The following PAQR8 variants were observed in gnomAD, a reference collection of about 807,000 sequenced individuals.
PAQR8 encodes membrane progestin receptor beta.
In PAQR8, 17 loss-of-function variants were observed where a neutral mutation model predicts 25.2. That is an observed-to-expected ratio of 0.67 (90% CI 0.46 to 1.01). PAQR8 has a LOEUF of 1.01. Among genes scored for constraint, PAQR8 ranks in the 50% least tolerant of loss-of-function variants. The pLI, the probability that PAQR8 is intolerant of heterozygous loss-of-function variation, is 0.00. For missense variants in PAQR8, 392 were observed against 448.4 expected (o/e 0.87, Z 1.14); for synonymous variants, 204 against 190.6 (o/e 1.07, Z -0.58).
chr6:52,395,694 T>G (rs754692250), intron 1 of PAQR8, among the ~76,000 whole-genome samples: 1 of 152,160 alleles, frequency 6.6e-6, no homozygotes, highest in Non-Finnish European at 1.5e-5. Context: ...AGTTATATCC[T>G]TCAGTGGGCT....
chr6:52,379,898 A>G (rs573186498), intron 1 of PAQR8, among the ~76,000 whole-genome samples: 4 of 152,172 alleles, frequency 2.6e-5, no homozygotes, highest in African/African-American at 9.6e-5. Context: ...AAGTGCTGGG[A>G]TTACAGGCGT....
At position 52,403,273 on chromosome 6, in the gene PAQR8, CCGCCTGCCCAAGA is replaced by C; in HGVS notation, c.61_73del (p.Arg21SerfsTer127). On this transcript the variant is annotated frameshift_variant, in exon 2 of 2. Coordinates refer to ENST00000442253, the MANE Select transcript of PAQR8 (RefSeq NM_133367.5). LOFTEE classifies it high-confidence loss of function. ...TGTCGGTCAGCGGGCAGCAGCTGCGCCGCCTGCCCAAGATCCTGGAGGATGGGCTTCCCAAGAT... is the reference window on the plus strand; with the variant it reads ...TGTCGGTCAGCGGGCAGCAGCTGCGCTCCTGGAGGATGGGCTTCCCAAGAT... 1 of 1,612,436 alleles carries C rather than the reference CCGCCTGCCCAAGA, an allele frequency of 6.2e-7. No homozygotes were observed. The highest frequency in any genetic ancestry group is 8.5e-7 in the Non-Finnish European group (1 of 1,178,790).
At chr6:52,382,600 A>G (rs1763573983) in intron 1 of PAQR8, among the ~76,000 whole-genome samples, 1 of 146,144 alleles carries the variant, frequency 6.8e-6, no homozygotes, top group South Asian at 2.2e-4. Context: ...AATTTGTATC[A>G]AGGTTAAAAA....
intron 1 of PAQR8, among the ~76,000 whole-genome samples, chr6:52,377,117 T>G (rs1206463489): frequency 6.6e-6 from 1 of 152,214 alleles, no homozygotes; most frequent in Admixed American, 6.5e-5. Flanking sequence ...TGCATCGTAT[T>G]TTAATGTTAA....
rs189953789 is a variant in PAQR8 at position 52,406,514 on chromosome 6, C to A, written c.*2236C>A. On this transcript the variant is annotated 3_prime_UTR_variant, in exon 2 of 2. Coordinates refer to ENST00000442253, the MANE Select transcript of PAQR8 (RefSeq NM_133367.5). Reference sequence around the variant, plus strand: ...GAACAGGCATGAAGATATTGCCATACAATTTTAATTTATACAAGTATTGGC... The same window carrying A: ...GAACAGGCATGAAGATATTGCCATAAAATTTTAATTTATACAAGTATTGGC... 2.7e-5 allele frequency: 11 copies of A among 413,326 alleles called. No individual in the cohort carries two copies. The Admixed American group carries it at 3.1e-4, about 12-fold the overall frequency. 25.6% of individuals were successfully genotyped at this position (413,326 alleles called of 1,614,324 possible).
At chr6:52,363,364 C>T (rs1763313280) in intron 1 of PAQR8, among the ~76,000 whole-genome samples, 1 of 152,124 alleles carries the variant, frequency 6.6e-6, no homozygotes, top group Non-Finnish European at 1.5e-5. Context: ...ATGATTTTGT[C>T]CAGGAACCCA....
At chr6:52,379,096 CAA>C (rs70977347) in intron 1 of PAQR8, among the ~76,000 whole-genome samples, 6,439 of 92,980 alleles carry the variant, frequency 0.069, 313 homozygotes, top group African/African-American at 0.2. Flanking sequence ...TACTCTTTAT[CAA>C]AAAAAAAAAA....
rs375737727 is a variant in PAQR8, at chr6:52,372,589, G to A, written c.-53+10340G>A. 2.6e-4 allele frequency among the ~76,000 whole-genome samples: 40 copies of A among 152,114 alleles called. No homozygotes were observed. The South Asian group carries it at 7.9e-3, about 30-fold the overall frequency. ...CACATGTGTGCTAAGAGTTTTACAT[G>A]TATTTCTCTCTCTCTTTCTTTCTCT... On this transcript the variant is annotated intron_variant, in intron 1 of 1. Coordinates refer to ENST00000442253, the MANE Select transcript of PAQR8 (RefSeq NM_133367.5).
chr6:52,400,077 CTCTT>C (rs1763812749), intron 1 of PAQR8, among the ~76,000 whole-genome samples: 1 of 152,224 alleles, frequency 6.6e-6, no homozygotes, highest in Non-Finnish European at 1.5e-5. Flanking sequence ...CCCACACTCC[CTCTT>C]TCTGTGTTTC....
intron 1 of PAQR8, among the ~76,000 whole-genome samples, chr6:52,393,839 A>G (rs1279746263): frequency 6.6e-6 from 1 of 152,220 alleles, no homozygotes; most frequent in African/African-American, 2.4e-5. Context: ...AGTGGCAGTT[A>G]GGTGAAGGAG....
intron 1 of PAQR8, among the ~76,000 whole-genome samples, chr6:52,388,285 A>G (rs1025790988): frequency 6.6e-6 from 1 of 152,106 alleles, no homozygotes; most frequent in Non-Finnish European, 1.5e-5. Flanking sequence ...CTGAGGCACA[A>G]GAATGGCTTG....
intron 1 of PAQR8, among the ~76,000 whole-genome samples, chr6:52,384,872 C>T (rs1372974548): frequency 6.6e-6 from 1 of 152,162 alleles, no homozygotes; most frequent in Admixed American, 6.5e-5. Context: ...CGCCTACAAT[C>T]AACTGATCTT....
chr6:52,385,385 G>A (rs1581793240), intron 1 of PAQR8, among the ~76,000 whole-genome samples: 1 of 152,124 alleles, frequency 6.6e-6, no homozygotes, highest in African/African-American at 2.4e-5. Context: ...CCTAGTCTCA[G>A]GTATGTCTTT....
chr6:52,375,058 G>A (rs1270534412), intron 1 of PAQR8, among the ~76,000 whole-genome samples: 1 of 151,874 alleles, frequency 6.6e-6, no homozygotes, highest in East Asian at 1.9e-4. Flanking sequence ...TTATTGATAT[G>A]ATCACTACTT....
At chr6:52,368,934 C>T (rs755658738) in intron 1 of PAQR8, among the ~76,000 whole-genome samples, 1 of 152,018 alleles carries the variant, frequency 6.6e-6, no homozygotes, top group Non-Finnish European at 1.5e-5. Flanking sequence ...TGAGTTCTCT[C>T]GAGATCTGAT....
chr6:52,403,228 C>G lies in PAQR8; in HGVS notation c.15C>G (p.Ile5Met), dbSNP rs1234289383. 6.3e-7 allele frequency: 1 copy of G among 1,596,150 alleles called. No homozygotes were observed. Among genetic ancestry groups the G allele is most frequent in the Non-Finnish European group, 8.6e-7 (1 of 1,166,296 alleles). The part of the protein sequence containing the change: MTTA[I>M]LERLSTLSVS... ...GGGCCGCTGCCATGACGACCGCCATCTTGGAGCGCCTGAGCACCCTGTCGG... is the reference window on the plus strand; with the variant it reads ...GGGCCGCTGCCATGACGACCGCCATGTTGGAGCGCCTGAGCACCCTGTCGG... Residue 5 changes from isoleucine (I) to methionine (M), a missense_variant, in exon 2 of 2, where the codon ATC (isoleucine) becomes ATG (methionine). Ile to Met is a conservative substitution (Grantham distance 10, BLOSUM62 1). Coordinates refer to ENST00000442253, the MANE Select transcript of PAQR8 (RefSeq NM_133367.5).
intron 1 of PAQR8, among the ~76,000 whole-genome samples, chr6:52,402,132 G>A (rs1029493598): frequency 2.6e-5 from 4 of 152,198 alleles, no homozygotes; most frequent in Non-Finnish European, 5.9e-5. Flanking sequence ...TGGAGGATGA[G>A]GTGGGAAGAT....
At chr6:52,372,510 C>A (rs1371072531) in intron 1 of PAQR8, among the ~76,000 whole-genome samples, 1 of 152,048 alleles carries the variant, frequency 6.6e-6, no homozygotes, top group Non-Finnish European at 1.5e-5. Flanking sequence ...ACCTCTGTGA[C>A]CTGGAAACAA....
chr6:52,391,026 A>G (rs894736808), intron 1 of PAQR8, among the ~76,000 whole-genome samples: 4 of 152,272 alleles, frequency 2.6e-5, no homozygotes, highest in Non-Finnish European at 4.4e-5. Flanking sequence ...CCAGAAGAAA[A>G]GTAAAATTCC....
Sources: allele counts gnomAD v4.1 joint callset (sites outside exome capture counted in the v4.1 genomes callset), GRCh38; gene constraint gnomAD v4.1.1; transcripts MANE v1.5; gene names NCBI Gene and HGNC (gene_info 2026-07-23, HGNC 2026-07-21).